Variants in ETFDH observed in about 807,000 individuals in gnomAD.
ETFDH encodes electron transfer flavoprotein dehydrogenase, also known as electron transfer flavoprotein-ubiquinone oxidoreductase, mitochondrial.
ETFDH carries 61 observed loss-of-function variants against 73.2 expected under a neutral mutation model. The observed-to-expected ratio is 0.83, with a 90% CI of 0.68 to 1.03. The LOEUF (loss-of-function observed/expected upper bound fraction) is 1.03. ETFDH is among the 50% of genes least tolerant of loss of function. ETFDH has a pLI of 0.00. For missense variants in ETFDH, 685 were observed against 745.0 expected, an observed-to-expected ratio of 0.92 and a Z score of 0.94; for synonymous variants, 243 against 253.3, an observed-to-expected ratio of 0.96 and a Z score of 0.39.
Position 158,684,679 on chromosome 4 carries a change from G to T in ETFDH, c.487+6G>T. On this transcript the variant is annotated splice_donor_region_variant and intron_variant, in intron 4 of 12. Transcript: ENST00000511912. ...TCCTGTGCCAATTCTTCCAGGTAAG[G>T]TATAGTGAATATGCATAGAACTATG... The T allele has an allele frequency of 1.4e-6, 2 of 1,444,644 alleles. No homozygotes were observed. Among genetic ancestry groups the T allele is most frequent in the East Asian group, 2.3e-5 (1 of 44,048 alleles). 89.5% of individuals were successfully genotyped at this position (1,444,644 alleles called of 1,614,324 possible).
intron 3 of ETFDH, among the ~76,000 whole-genome samples, chr4:158,684,371 CAGAA>C (rs757302066): frequency 5.3e-4 from 67 of 125,636 alleles, no homozygotes; most frequent in Non-Finnish European, 7.9e-4. Flanking sequence ...GCCTGGGTGA[CAGAA>C]AGAGACACTG....
At chr4:158,703,691 A>C in intron 10 of ETFDH, 100 bp downstream of exon 10, 2 of 749,908 alleles carry the variant, frequency 2.7e-6, no homozygotes, top group Non-Finnish European at 4.7e-6. Context: ...ACTTTATAGA[A>C]AGTATTAATA....
chr4:158,676,123 T>C (rs1773705588), intron 1 of ETFDH, among the ~76,000 whole-genome samples: 1 of 152,200 alleles, frequency 6.6e-6, no homozygotes, highest in Non-Finnish European at 1.5e-5. Context: ...CATAGTTTTA[T>C]TACTCAAATC....
chr4:158,672,584 C>T (rs144344298), intron 1 of ETFDH, 94 bp downstream of exon 1: 3 of 1,270,942 alleles, frequency 2.4e-6, no homozygotes, highest in East Asian at 2.3e-5. Flanking sequence ...CGCCCCTTCT[C>T]TCATCAGCTT....
chr4:158,673,497 T>C (rs1773633739), intron 1 of ETFDH, among the ~76,000 whole-genome samples: 2 of 152,226 alleles, frequency 1.3e-5, no homozygotes, highest in Admixed American at 1.3e-4. Context: ...TTTAAATCTT[T>C]AGTTTACTTA....
chr4:158,707,128 A>G (rs1462603458), intron 12 of ETFDH, among the ~76,000 whole-genome samples: 1 of 151,742 alleles, frequency 6.6e-6, no homozygotes, highest in East Asian at 1.9e-4. Context: ...TCATGTGACT[A>G]TTTAAAGTCA....
chr4:158,675,110 A>G (rs565744924), intron 1 of ETFDH, among the ~76,000 whole-genome samples: 6 of 152,350 alleles, frequency 3.9e-5, no homozygotes, highest in Middle Eastern at 3.4e-3. Context: ...GGACAATTCA[A>G]TGGTTTTTAG....
At chr4:158,674,272 C>G (rs1228380351) in intron 1 of ETFDH, among the ~76,000 whole-genome samples, 1 of 151,566 alleles carries the variant, frequency 6.6e-6, no homozygotes, top group African/African-American at 2.4e-5. Context: ...GAATAGTTAT[C>G]TAAGGCTTAA....
At chr4:158,701,031 C>T (rs1013979251) in intron 9 of ETFDH, 17 of 152,192 alleles carry the variant, frequency 1.1e-4, no homozygotes, top group African/African-American at 4.1e-4. Flanking sequence ...CAAAAATCAT[C>T]TTCCCCTAGT....
At chr4:158,697,801 T>C (rs556689724) in intron 8 of ETFDH, 102 bp downstream of exon 8, 3 of 1,085,410 alleles carry the variant, frequency 2.8e-6, no homozygotes, top group African/African-American at 1.6e-5. Context: ...AAATGCTTTT[T>C]ATTTAAAGCT....
chr4:158,678,535 A>G lies in ETFDH; in HGVS notation c.35-1932A>G, dbSNP rs140352430. ...AAAGTGATATCTGCCATATTTCTCT[A>G]CTGTAAAGTTAACATTTTTCACTTT... On this transcript the variant is annotated intron_variant, in intron 1 of 12. Coordinates refer to ENST00000511912, the MANE Select transcript of ETFDH (RefSeq NM_004453.4). Among the ~76,000 whole-genome samples, 795 of 152,284 alleles carry G rather than the reference A, an allele frequency of 5.2e-3. 30 individuals carry two copies. Among genetic ancestry groups the G allele is most frequent in the Admixed American group, 0.048 (740 of 15,296 alleles).
intron 1 of ETFDH, among the ~76,000 whole-genome samples, chr4:158,673,258 G>A (rs1318905947): frequency 6.6e-6 from 1 of 152,130 alleles, no homozygotes; most frequent in Non-Finnish European, 1.5e-5. Flanking sequence ...AGCTGAGATC[G>A]CACCACTGCA....
intron 2 of ETFDH, among the ~76,000 whole-genome samples, chr4:158,681,189 G>A (rs1161333852): frequency 6.6e-6 from 1 of 152,174 alleles, no homozygotes; most frequent in African/African-American, 2.4e-5. Context: ...GGGAGAAAAT[G>A]TGGAGGTGAA....
rs1774519872 is a variant in ETFDH at position 158,703,473 on chromosome 4, TG to T, written c.1169del (p.Gly390ValfsTer3). 6.2e-7 allele frequency: 1 copy of T among 1,611,956 alleles called. No homozygotes were observed. Among genetic ancestry groups the T allele is most frequent in the Non-Finnish European group, 8.5e-7 (1 of 1,178,080 alleles). On this transcript the variant is annotated frameshift_variant, in exon 10 of 13. Coordinates refer to ENST00000511912, the MANE Select transcript of ETFDH (RefSeq NM_004453.4). LOFTEE classifies it high-confidence loss of function. Reference protein sequence around the residue: ...PGGLLIGCSPGFMNVPKIKGT... With the variant: ...PGGLLIGCSPXFMNVPKIKGT... ...GTGGTTTACTAATTGGTTGTAGTCC[TG>T]GTTTTATGAATGTTCCCAAGATCAA...
At chr4:158,684,707 A>G (rs766266473) in intron 4 of ETFDH, 34 bp downstream of exon 4, 2 of 1,123,874 alleles carry the variant, frequency 1.8e-6, no homozygotes, top group Non-Finnish European at 2.7e-6. Context: ...GAACTATGGA[A>G]TTCCACAGCT....
At chr4:158,697,341 C>T (rs1485386089) in intron 7 of ETFDH, among the ~76,000 whole-genome samples, 1 of 152,102 alleles carries the variant, frequency 6.6e-6, no homozygotes, top group Admixed American at 6.6e-5. Flanking sequence ...GTGATCTGCC[C>T]ACCTCAGCCT....
intron 7 of ETFDH, among the ~76,000 whole-genome samples, chr4:158,697,277 T>C (rs553945094): frequency 6.6e-6 from 1 of 152,210 alleles, no homozygotes; most frequent in African/African-American, 2.4e-5. Flanking sequence ...GTAGTTTTAG[T>C]AGAGACAGGG....
intron 5 of ETFDH, among the ~76,000 whole-genome samples, chr4:158,686,246 G>T (rs928908264): frequency 2.6e-5 from 4 of 152,152 alleles, no homozygotes; most frequent in Admixed American, 2.0e-4. Context: ...TAGCAGAAAG[G>T]TGTGATACCC....
chr4:158,683,536 T>C (rs1773918980), intron 3 of ETFDH, among the ~76,000 whole-genome samples: 1 of 152,178 alleles, frequency 6.6e-6, no homozygotes, highest in South Asian at 2.1e-4. Context: ...TGACATAATA[T>C]CAATTCTAAT....
Sources: allele counts gnomAD v4.1 joint callset (sites outside exome capture counted in the v4.1 genomes callset), GRCh38; gene constraint gnomAD v4.1.1; transcripts MANE v1.5; gene names NCBI Gene and HGNC (gene_info 2026-07-23, HGNC 2026-07-21).